Variants in BCAS1 observed in about 807,000 individuals in gnomAD.
BCAS1 encodes breast carcinoma-amplified sequence 1.
In BCAS1, 46 loss-of-function variants were observed where a neutral mutation model predicts 65.4. The observed-to-expected ratio is 0.70, with a 90% CI of 0.55 to 0.90. The LOEUF is 0.90. Ranked by LOEUF, BCAS1 falls within the 40% of genes least tolerant of loss-of-function variation. BCAS1 has a pLI of 0.00. For missense variants in BCAS1, 793 were observed against 771.2 expected, an observed-to-expected ratio of 1.03 and a Z score of -0.33; for synonymous variants, 298 against 293.5, an observed-to-expected ratio of 1.02 and a Z score of -0.16.
chr20:53,968,837 C>A (rs1260945858), intron 9 of BCAS1, among the ~76,000 whole-genome samples: 1 of 152,152 alleles, frequency 6.6e-6, no homozygotes, highest in South Asian at 2.1e-4. Context: ...GCTGGATTGG[C>A]CAAACAAAAC....
intron 1 of BCAS1, among the ~76,000 whole-genome samples, chr20:54,060,830 A>G (rs879882582): frequency 3.3e-5 from 5 of 152,134 alleles, no homozygotes; most frequent in African/African-American, 9.7e-5. Context: ...CCTTCACCCA[A>G]TTTTGTATCT....
chr20:53,983,714 CTCTGGAACAGGCAA>C (rs2090541521), intron 8 of BCAS1, among the ~76,000 whole-genome samples: 1 of 152,202 alleles, frequency 6.6e-6, no homozygotes, highest in South Asian at 2.1e-4. Context: ...CAGTGTGGGC[CTCTGGAACAGGCAA>C]TCTGTACTCT....
At chr20:53,975,601 GTA>G (rs11471112) in intron 8 of BCAS1, among the ~76,000 whole-genome samples, 171 bp from the exon 9 acceptor site, 17,985 of 147,500 alleles carry the variant, frequency 0.12, 2,017 homozygotes, top group East Asian at 0.42. Context: ...AATGAAAACG[GTA>G]TATATATATA....
chr20:53,978,638 T>A (rs544853074), intron 8 of BCAS1, among the ~76,000 whole-genome samples: 17 of 152,302 alleles, frequency 1.1e-4, no homozygotes, highest in African/African-American at 4.1e-4. Flanking sequence ...TGTCCAAGAG[T>A]CACTCTAAAT....
intron 8 of BCAS1, among the ~76,000 whole-genome samples, chr20:53,981,488 C>G (rs535499387): frequency 2.7e-5 from 4 of 150,830 alleles, no homozygotes; most frequent in African/African-American, 9.7e-5. Context: ...TTGCAAATTT[C>G]GTTGTTTCAG....
At position 54,033,624 on chromosome 20, in the gene BCAS1, C is replaced by A. The variant is rs141224013; in HGVS notation, c.143-4652G>T. On this transcript the variant is annotated intron_variant, in intron 3 of 12. Coordinates refer to ENST00000688948, the MANE Select transcript of BCAS1 (RefSeq NM_001366298.2). Reference sequence around the variant, plus strand: ...GAAGAAATTGAATCCCTGAACAGACCAATAATGAGCCCTAAAATTGAGGAA... The same window carrying A: ...GAAGAAATTGAATCCCTGAACAGACAAATAATGAGCCCTAAAATTGAGGAA... Among the ~76,000 whole-genome samples the A allele has an allele frequency of 2.6e-3, 395 of 150,926 alleles. 7 individuals are homozygous for A. Among genetic ancestry groups the A allele is most frequent in the African/African-American group, 9.4e-3 (387 of 41,346 alleles).
chr20:53,961,425 C>T (rs1394129665), intron 10 of BCAS1, among the ~76,000 whole-genome samples: 1 of 152,172 alleles, frequency 6.6e-6, no homozygotes, highest in Non-Finnish European at 1.5e-5. Flanking sequence ...TGGATCTGAG[C>T]TTAGTATTTT....
chr20:53,981,677 C>G (rs528394650), intron 8 of BCAS1, among the ~76,000 whole-genome samples: 4 of 151,890 alleles, frequency 2.6e-5, no homozygotes, highest in Non-Finnish European at 5.9e-5. Context: ...ACTGTCAGAA[C>G]TGAGATTTGA....
At position 53,953,540 on chromosome 20, in the gene BCAS1, C is replaced by T. The variant is rs1408073169; in HGVS notation, c.1707G>A (p.Gln569=). 3.7e-6 allele frequency: 6 copies of T among 1,613,842 alleles called. No homozygotes were observed. Among genetic ancestry groups the T allele is most frequent in the Non-Finnish European group, 3.4e-6 (4 of 1,180,008 alleles). ...TGTCCACCGTGGCCTGCTCTGTGCA[C>T]TGGGCTGGTTCTTTGGCTTCCTGCT... is the stretch of plus-strand genomic sequence containing the variant. ...SNKQEAKEPA[Q]CTEQATVDTN... The change falls in exon 12 of 13, where the codon CAG becomes CAA. Residue 569 remains glutamine (Q), a synonymous_variant. Coordinates refer to ENST00000688948, the MANE Select transcript of BCAS1 (RefSeq NM_001366298.2).
chr20:54,055,360 G>A (rs982310342), intron 3 of BCAS1, among the ~76,000 whole-genome samples: 1 of 152,166 alleles, frequency 6.6e-6, no homozygotes, highest in Non-Finnish European at 1.5e-5. Flanking sequence ...TATGGCTGGG[G>A]AGGCCTCAGA....
chr20:54,026,113 C>T (rs2091667359), intron 4 of BCAS1, among the ~76,000 whole-genome samples: 1 of 152,194 alleles, frequency 6.6e-6, no homozygotes, highest in Non-Finnish European at 1.5e-5. Context: ...CAGATGCAGA[C>T]TTCACTGGTG....
At position 53,945,004 on chromosome 20, in the gene BCAS1, A is replaced by G. The variant is rs2089264995; in HGVS notation, c.1816-8T>C. 2 of 1,613,954 alleles carry G rather than the reference A, an allele frequency of 1.2e-6. No individual in the cohort carries two copies. Among genetic ancestry groups the G allele is most frequent in the Non-Finnish European group, 1.7e-6 (2 of 1,179,850 alleles). On this transcript the variant is annotated splice_region_variant and splice_polypyrimidine_tract_variant and intron_variant, in intron 12 of 12. Coordinates refer to ENST00000688948, the MANE Select transcript of BCAS1 (RefSeq NM_001366298.2). ...CAACATCCGCTTTGGTCCCTGGAGA[A>G]AAACAGAAAGACGTGGCAGCCTATT... is the stretch of plus-strand genomic sequence containing the variant.
rs569069308 is a variant in BCAS1 at position 54,026,166 on chromosome 20, TA to T, written c.723+2225del. Among the ~76,000 whole-genome samples, 398 of 152,334 alleles carry T rather than the reference TA, an allele frequency of 2.6e-3. 4 individuals are homozygous for T. The highest frequency in any genetic ancestry group is 9.3e-3 in the African/African-American group (388 of 41,566). ...TCACTTATTCAGAAAGGAAGACAGTTACAATTCTTGGGTCTTCTGAGAGATC... is the reference window on the plus strand; with the variant it reads ...TCACTTATTCAGAAAGGAAGACAGTTCAATTCTTGGGTCTTCTGAGAGATC... On this transcript the variant is annotated intron_variant, in intron 4 of 12. Transcript: ENST00000688948.
At position 53,995,967 on chromosome 20, in the gene BCAS1, C is replaced by T; in HGVS notation, c.807G>A (p.Glu269=). The T allele has an allele frequency of 6.2e-7, 1 of 1,613,744 alleles. No homozygotes were observed. The highest frequency in any genetic ancestry group is 1.1e-5 in the South Asian group (1 of 91,014). ...CTGCCTGGGAATCGTCCTTTGCAGT[C>T]TCCAGTCCTTCTGGGTCCCCAGGGA... is the stretch of plus-strand genomic sequence containing the variant. ...CSVPGDPEGL[E]TAKDDSQAAA... The change falls in exon 5 of 13, where the codon GAG becomes GAA. Residue 269 remains glutamate (E), a synonymous_variant. Transcript: ENST00000688948.
At chr20:53,955,951 T>C (rs989149534) in intron 11 of BCAS1, among the ~76,000 whole-genome samples, 1 of 152,206 alleles carries the variant, frequency 6.6e-6, no homozygotes, top group African/African-American at 2.4e-5. Context: ...AAAAGCAATA[T>C]ATTTCCTGTT....
intron 4 of BCAS1, among the ~76,000 whole-genome samples, chr20:54,010,174 G>A (rs551763341): frequency 1.3e-5 from 2 of 152,244 alleles, no homozygotes; most frequent in South Asian, 4.1e-4. Flanking sequence ...TAGGAGCAAG[G>A]CAAGGATGTC....
chr20:53,979,015 C>T (rs1437779609), intron 8 of BCAS1, among the ~76,000 whole-genome samples: 1 of 151,738 alleles, frequency 6.6e-6, no homozygotes, highest in Non-Finnish European at 1.5e-5. Flanking sequence ...ATGGCTGAAG[C>T]ACAGCTGTGA....
At chr20:53,956,229 C>A (rs1387226659) in intron 11 of BCAS1, among the ~76,000 whole-genome samples, 2 of 152,198 alleles carry the variant, frequency 1.3e-5, no homozygotes, top group Non-Finnish European at 2.9e-5. Flanking sequence ...GGGTGGGGCC[C>A]TGCCCCAATA....
At chr20:54,014,949 G>T (rs1417952906) in intron 4 of BCAS1, among the ~76,000 whole-genome samples, 1 of 152,146 alleles carries the variant, frequency 6.6e-6, no homozygotes. Context: ...CCCCCAATTT[G>T]CCTAGAAAGG....
Sources: allele counts gnomAD v4.1 joint callset (sites outside exome capture counted in the v4.1 genomes callset), GRCh38; gene constraint gnomAD v4.1.1; transcripts MANE v1.5; gene names NCBI Gene and HGNC (gene_info 2026-07-23, HGNC 2026-07-21).